The following AASS variants were observed in gnomAD, a reference collection of about 807,000 sequenced individuals.
AASS encodes alpha-aminoadipic semialdehyde synthase, mitochondrial.
In AASS, 86 loss-of-function variants were observed where a neutral mutation model predicts 105.4. The observed-to-expected ratio is 0.82, with a 90% CI of 0.69 to 0.98. The LOEUF is 0.98. Ranked by LOEUF, AASS falls within the 50% of genes least tolerant of loss-of-function variation. The pLI, the probability that AASS is intolerant of heterozygous loss-of-function variation, is 0.00. For synonymous variants in AASS, 381 were observed against 394.8 expected (o/e 0.96, Z 0.41); for missense variants, 1,048 against 1,143.2 (o/e 0.92, Z 1.20).
At chr7:122,090,438 G>C (rs1392133522) in intron 18 of AASS, among the ~76,000 whole-genome samples, 1 of 152,086 alleles carries the variant, frequency 6.6e-6, no homozygotes, top group South Asian at 2.1e-4. Flanking sequence ...CCAAGTATGA[G>C]TTATGCTCTA....
chr7:122,087,136 C>G (rs1332593017), intron 18 of AASS, among the ~76,000 whole-genome samples: 1 of 152,206 alleles, frequency 6.6e-6, no homozygotes, highest in Non-Finnish European at 1.5e-5. Flanking sequence ...CAAAATAACA[C>G]TGTACCAGGG....
chr7:122,092,523 G>A (rs528660249), intron 17 of AASS, among the ~76,000 whole-genome samples: 3 of 152,188 alleles, frequency 2.0e-5, no homozygotes, highest in Non-Finnish European at 2.9e-5. Context: ...TCAGGAGTTT[G>A]AGACTGGCCT....
At chr7:122,109,768 C>T (rs6944507) in intron 11 of AASS, among the ~76,000 whole-genome samples, 45,426 of 150,774 alleles carry the variant, frequency 0.3, 7,085 homozygotes, top group East Asian at 0.43. Flanking sequence ...TGGATAAGAA[C>T]TCAAAAGCAC....
chr7:122,079,591 G>A lies in AASS; in HGVS notation c.2396+6C>T. 1 of 1,587,276 alleles carries A rather than the reference G, an allele frequency of 6.3e-7. No individual in the cohort carries two copies. The highest frequency in any genetic ancestry group is 8.7e-7 in the Non-Finnish European group (1 of 1,155,658). On this transcript the variant is annotated splice_donor_region_variant and intron_variant, in intron 21 of 23. Transcript: ENST00000417368. ...TTTTGCTCTAAGTTGAGTGGTGGGT[G>A]CCTACCATTCAGCAGCCTCCAACTG...
rs1287936300 is a variant in AASS, at chr7:122,118,301, AG to A, written c.687+5del. 6.2e-7 allele frequency: 1 copy of A among 1,613,792 alleles called. No individual in the cohort carries two copies. The highest frequency in any genetic ancestry group is 8.5e-7 in the Non-Finnish European group (1 of 1,180,002). ...GTTTTACAAAAGGAAGTCAGGTAAA[AG>A]TTACCTTAGAAACATTACCAGTTCC... On this transcript the variant is annotated splice_donor_5th_base_variant and intron_variant, in intron 6 of 23. Transcript: ENST00000417368.
chr7:122,098,444 A>T lies in AASS; in HGVS notation c.1655+6T>A. On this transcript the variant is annotated splice_donor_region_variant and intron_variant, in intron 15 of 23. Coordinates refer to ENST00000417368, the MANE Select transcript of AASS (RefSeq NM_005763.4). ...ATATGAAACTCATTTCTTGCCAGAT[A>T]CTGACCTGATGACAAGATCCTGTTT... is the stretch of plus-strand genomic sequence containing the variant. 1 of 1,611,948 alleles carries T rather than the reference A, an allele frequency of 6.2e-7. No homozygotes were observed. Among genetic ancestry groups the T allele is most frequent in the Non-Finnish European group, 8.5e-7 (1 of 1,178,566 alleles).
chr7:122,110,767 G>GAT (rs138252913), intron 11 of AASS, among the ~76,000 whole-genome samples: 240 of 146,368 alleles, frequency 1.6e-3, no homozygotes, highest in East Asian at 5.5e-3. Context: ...ATAATGTGGA[G>GAT]ATATATATAT....
At position 122,116,735 on chromosome 7, in the gene AASS, C is replaced by A; in HGVS notation, c.792G>T (p.Val264=). Residue 264 remains valine (V), a synonymous_variant, in exon 8 of 24, where the codon GTG becomes GTT. Transcript: ENST00000417368. The stretch of plus-strand genomic sequence containing the variant: ...TGACAAGATGATGATGACGACTTAA[C>A]ACCGTCCCATACACTTTTCTGAGGT... ...TGDLRKVYGT[V]LSRHHHLVRK... 6.2e-7 allele frequency: 1 copy of A among 1,614,110 alleles called. No homozygotes were observed. Among genetic ancestry groups the A allele is most frequent in the Non-Finnish European group, 8.5e-7 (1 of 1,180,004 alleles).
At position 122,078,897 on chromosome 7, in the gene AASS, G is replaced by T; in HGVS notation, c.2450C>A (p.Ala817Asp). The T allele has an allele frequency of 6.2e-7, 1 of 1,614,060 alleles. No homozygotes were observed. Among genetic ancestry groups the T allele is most frequent in the South Asian group, 1.1e-5 (1 of 91,086 alleles). The change falls in exon 22 of 24, where the codon GCC (alanine) becomes GAC (aspartate). Residue 817 changes from alanine to aspartate, a missense_variant. Transcript: ENST00000417368. The part of the protein sequence containing the change: ...QVPQAESILD[A>D]LSKHLVMKLS... ...CTTCATGACCAAATGCTTGGAGAGG[G>T]CATCCAGAATGGACTCTGCCTGAGG...
chr7:122,081,966 T>TA (rs1562902750), intron 19 of AASS, among the ~76,000 whole-genome samples: 1 of 152,168 alleles, frequency 6.6e-6, no homozygotes, highest in African/African-American at 2.4e-5. Context: ...CAAATTTTCT[T>TA]ATGTGTTATA....
intron 18 of AASS, among the ~76,000 whole-genome samples, chr7:122,088,642 C>T (rs1793746405): frequency 6.6e-6 from 1 of 152,080 alleles, no homozygotes; most frequent in Admixed American, 6.6e-5. Flanking sequence ...AGTGGTAGCT[C>T]TTGATTTCCA....
chr7:122,124,295 T>G (rs967774681), intron 4 of AASS, among the ~76,000 whole-genome samples: 2 of 152,148 alleles, frequency 1.3e-5, no homozygotes, highest in Admixed American at 6.5e-5. Flanking sequence ...TGTTTGTTTG[T>G]TTTTTGAGAT....
intron 1 of AASS, among the ~76,000 whole-genome samples, chr7:122,143,351 C>T (rs184147139): frequency 1.5e-4 from 23 of 151,614 alleles, no homozygotes; most frequent in African/African-American, 5.6e-4. Context: ...CTTCCGCTCC[C>T]CCCACCCCCA....
intron 8 of AASS, among the ~76,000 whole-genome samples, chr7:122,116,091 A>T (rs1201389018): frequency 3.9e-5 from 6 of 152,146 alleles, no homozygotes; most frequent in Non-Finnish European, 8.8e-5. Flanking sequence ...AGAGCACACA[A>T]ATATATTTTA....
intron 23 of AASS, 124 bp downstream of exon 23, chr7:122,077,714 T>C: frequency 7.9e-7 from 1 of 1,272,988 alleles, no homozygotes; most frequent in Non-Finnish European, 1.1e-6. Flanking sequence ...GCTTGGATCT[T>C]CTAAGATGGT....
chr7:122,099,909 T>C (rs1446345688), intron 13 of AASS, among the ~76,000 whole-genome samples: 2 of 151,954 alleles, frequency 1.3e-5, no homozygotes, highest in East Asian at 1.9e-4. Context: ...TATTATTCGG[T>C]TATTATATTT....
chr7:122,094,684 T>C lies in AASS; in HGVS notation c.1656-1526A>G, dbSNP rs190198256. Among the ~76,000 whole-genome samples, 31 of 152,240 alleles carry C rather than the reference T, an allele frequency of 2.0e-4. No individual in the cohort carries two copies. In the East Asian group the frequency reaches 3.9e-3, roughly 19 times the overall value. ...GTGATTATGCAGACCCAGCACCAAA[T>C]TATAATCCCAAAGCCAAAATTGTTG... On this transcript the variant is annotated intron_variant, in intron 15 of 23. Transcript: ENST00000417368.
intron 15 of AASS, among the ~76,000 whole-genome samples, chr7:122,094,020 A>G (rs552284566): frequency 1.3e-5 from 2 of 152,152 alleles, no homozygotes; most frequent in Non-Finnish European, 1.5e-5. Flanking sequence ...TCTCACTTAC[A>G]AGTAAGTGGG....
At chr7:122,123,721 G>GC (rs1453738580) in intron 4 of AASS, among the ~76,000 whole-genome samples, 1 of 152,180 alleles carries the variant, frequency 6.6e-6, no homozygotes, top group Non-Finnish European at 1.5e-5. Context: ...AGAAATGAAA[G>GC]CCAAGTGTTG....
Sources: gnomAD v4.1 joint callset for allele counts (sites outside exome capture counted in the v4.1 genomes callset) on GRCh38, gnomAD v4.1.1 for gene constraint, MANE v1.5 for transcripts, NCBI Gene and HGNC (gene_info 2026-07-23, HGNC 2026-07-21) for gene names.